LRFN2: variants seen among roughly 807,000 people sequenced by gnomAD.
The protein encoded by LRFN2 is leucine rich repeat and fibronectin type III domain containing 2, also known as leucine-rich repeat and fibronectin type-III domain-containing protein 2.
Under a neutral mutation model 37.3 loss-of-function variants are expected in LRFN2, and 18 were observed. That is an observed-to-expected ratio of 0.48 (90% CI 0.33 to 0.72). The LOEUF is 0.72. Ranked by LOEUF, LRFN2 falls within the 30% of genes least tolerant of loss-of-function variation. The probability of loss-of-function intolerance (pLI) is 0.02; values close to 1 mark genes in which losing one functional copy is unlikely to be tolerated. For missense variants in LRFN2, 1,006 were observed against 1,060.7 expected, an observed-to-expected ratio of 0.95 and a Z score of 0.72; for synonymous variants, 556 against 466.6, an observed-to-expected ratio of 1.19 and a Z score of -2.47.
intron 1 of LRFN2, among the ~76,000 whole-genome samples, chr6:40,534,934 C>G (rs1766421377): frequency 6.6e-6 from 1 of 152,186 alleles, no homozygotes. Context: ...GCCTGAGGCT[C>G]AGAAAGCTGG....
intron 1 of LRFN2, among the ~76,000 whole-genome samples, chr6:40,437,022 G>A (rs1763696387): frequency 6.6e-6 from 1 of 152,042 alleles, no homozygotes; most frequent in African/African-American, 2.4e-5. Flanking sequence ...ATGTGTATGG[G>A]GTAGTGTTCT....
chr6:40,478,508 C>A (rs1764756488), intron 1 of LRFN2, among the ~76,000 whole-genome samples: 1 of 152,136 alleles, frequency 6.6e-6, no homozygotes, highest in South Asian at 2.1e-4. Flanking sequence ...GCAACTTGCC[C>A]ACAGTCACAC....
At chr6:40,463,670 ATTTTTTTTTTTTT>A (rs66745321) in intron 1 of LRFN2, among the ~76,000 whole-genome samples, 1 of 76,526 alleles carries the variant, frequency 1.3e-5, no homozygotes, top group East Asian at 4.3e-4. Context: ...CTTTCTTTCT[ATTTTTTTTTTTTT>A]TTTTTTTTTT....
rs887694765 is a variant in LRFN2, at chr6:40,460,008, C to T, written c.-18-26877G>A. ...TATTTATAACCACTGTACAACGCTG[C>T]CCTCATTCTTGACAGGGACAAATGG... On this transcript the variant is annotated intron_variant, in intron 1 of 2. Transcript: ENST00000338305. Among the ~76,000 whole-genome samples, 8 of 152,188 alleles carry T rather than the reference C, an allele frequency of 5.3e-5. No homozygotes were observed. The South Asian group carries it at 1.7e-3, about 32-fold the overall frequency.
chr6:40,579,250 G>A (rs997833538), intron 1 of LRFN2, among the ~76,000 whole-genome samples: 8 of 152,172 alleles, frequency 5.3e-5, no homozygotes, highest in African/African-American at 1.9e-4. Context: ...AGGATTTAAT[G>A]TCTATTCCAG....
chr6:40,568,834 A>C (rs1044400449), intron 1 of LRFN2, among the ~76,000 whole-genome samples: 2 of 151,590 alleles, frequency 1.3e-5, no homozygotes, highest in Non-Finnish European at 2.9e-5. Flanking sequence ...TGATTCTCCT[A>C]CCTCAGCCTC....
chr6:40,420,608 A>T (rs563295448), intron 2 of LRFN2, among the ~76,000 whole-genome samples: 27 of 152,296 alleles, frequency 1.8e-4, no homozygotes, highest in African/African-American at 6.3e-4. Context: ...CGCCTCCCCA[A>T]CATCCATTCC....
rs764587925 is a variant in LRFN2 at position 40,392,798 on chromosome 6, G to A, written c.1515C>T (p.Thr505=). The change falls in exon 3 of 3, where the codon ACC becomes ACT. Residue 505 remains threonine (T), a synonymous_variant. Transcript: ENST00000338305. This position sits in a 1 kb window ranked among gnomAD's most constrained non-coding sequence, Gnocchi z 4.7. The part of the protein sequence containing the change: ...WDDTATTLTA[T]NIVGCAQFFT... ...AGAACTGGGCGCAGCCCACGATGTT[G>A]GTGGCCGTGAGTGTCGTGGCTGTGT... The A allele has an allele frequency of 1.6e-5, 26 of 1,613,994 alleles. No homozygotes were observed. In the South Asian group the frequency reaches 2.0e-4, roughly 12 times the overall value.
chr6:40,542,613 G>T (rs1265511752), intron 1 of LRFN2, among the ~76,000 whole-genome samples: 2 of 152,186 alleles, frequency 1.3e-5, no homozygotes, highest in African/African-American at 4.8e-5. Flanking sequence ...CTCTGAGCTG[G>T]GTGGGGTGGA....
intron 2 of LRFN2, among the ~76,000 whole-genome samples, chr6:40,410,781 G>A (rs1762949802): frequency 6.6e-6 from 1 of 152,238 alleles, no homozygotes; most frequent in Non-Finnish European, 1.5e-5. Context: ...AGTTTTAGGG[G>A]TTGGGGTCTC....
chr6:40,530,440 A>G (rs543216217), intron 1 of LRFN2, among the ~76,000 whole-genome samples: 4 of 152,274 alleles, frequency 2.6e-5, no homozygotes, highest in South Asian at 2.1e-4. Context: ...AAGACATGGA[A>G]GAAAGCCATA....
intron 2 of LRFN2, among the ~76,000 whole-genome samples, chr6:40,424,162 T>C (rs1763292964): frequency 6.6e-6 from 1 of 152,204 alleles, no homozygotes; most frequent in Non-Finnish European, 1.5e-5. Flanking sequence ...ATTGATTACC[T>C]GGATGATCCC....
At chr6:40,452,917 C>T (rs184345741) in intron 1 of LRFN2, among the ~76,000 whole-genome samples, 1 of 152,190 alleles carries the variant, frequency 6.6e-6, no homozygotes, top group South Asian at 2.1e-4. Context: ...AAGAGAAATT[C>T]CAGCATATCA....
chr6:40,481,538 A>G (rs1561872992), intron 1 of LRFN2, among the ~76,000 whole-genome samples: 1 of 152,050 alleles, frequency 6.6e-6, no homozygotes, highest in Non-Finnish European at 1.5e-5. Context: ...GATAAGTCCT[A>G]TCTCGGGGAT....
intron 1 of LRFN2, among the ~76,000 whole-genome samples, chr6:40,465,805 A>G (rs1430533386): frequency 6.6e-6 from 1 of 152,184 alleles, no homozygotes; most frequent in Non-Finnish European, 1.5e-5. Context: ...GAGGTTGAGC[A>G]GCAGTGGGCT....
intron 1 of LRFN2, among the ~76,000 whole-genome samples, chr6:40,558,080 G>A (rs922778710): frequency 8.5e-5 from 13 of 152,220 alleles, no homozygotes; most frequent in Non-Finnish European, 1.5e-4. Context: ...CTCCACGCAC[G>A]TGAAGGAGTG....
At chr6:40,551,616 T>C (rs766510013) in intron 1 of LRFN2, among the ~76,000 whole-genome samples, 1 of 152,198 alleles carries the variant, frequency 6.6e-6, no homozygotes, top group African/African-American at 2.4e-5. Flanking sequence ...TAGATAGTGA[T>C]TGATAACTAT....
At chr6:40,458,353 C>T (rs945014416) in intron 1 of LRFN2, among the ~76,000 whole-genome samples, 4 of 152,130 alleles carry the variant, frequency 2.6e-5, no homozygotes, top group African/African-American at 9.7e-5. Context: ...CATTAGGGAG[C>T]AGGGAGAGCT....
rs200557868 is a variant in LRFN2 at position 40,392,509 on chromosome 6, C to G, written c.1804G>C (p.Val602Leu). ...TCCAGGAGCTCGTTGCGCACCACCA[C>G]CTTCGGCGGGCCCTGCGGCGGGGCC... ...AGAPPQGPPK[V>L]VVRNELLDFT... Residue 602 changes from valine to leucine, a missense_variant, in exon 3 of 3, where the codon GTG becomes CTG. Val to Leu is a conservative substitution (Grantham distance 32). This residue lies in a region of LRFN2 where 398 missense variants were observed against 327.6 expected (regional missense o/e 1.21). Transcript: ENST00000338305. This position sits in a 1 kb window ranked among gnomAD's most constrained non-coding sequence, Gnocchi z 4.7. 1 of 1,587,250 alleles carries G rather than the reference C, an allele frequency of 6.3e-7. No homozygotes were observed. Among genetic ancestry groups the G allele is most frequent in the Non-Finnish European group, 8.6e-7 (1 of 1,168,636 alleles).
Sources: allele counts gnomAD v4.1 joint callset (sites outside exome capture counted in the v4.1 genomes callset), GRCh38; gene constraint gnomAD v4.1.1; regional missense constraint gnomAD v4.1.1; non-coding constraint Gnocchi (gnomAD v3.1); transcripts MANE v1.5; gene names NCBI Gene and HGNC (gene_info 2026-07-23, HGNC 2026-07-21).